The following NFAT5 variants were observed in gnomAD, a reference collection of about 807,000 sequenced individuals.
NFAT5 encodes the protein nuclear factor of activated T-cells 5.
NFAT5 carries 31 observed loss-of-function variants against 166.5 expected under a neutral mutation model. The ratio of observed to expected loss-of-function variants is 0.19; its 90% CI spans 0.14 to 0.25. The LOEUF is 0.25. Ranked by LOEUF, NFAT5 falls within the 10% of genes least tolerant of loss-of-function variation. The pLI is 1.00. For synonymous variants in NFAT5, 612 were observed against 639.7 expected (o/e 0.96, Z 0.65); for missense variants, 1,449 against 1,821.8 (o/e 0.80, Z 3.72).
At chr16:69,649,998 T>G (rs2151626767) in intron 4 of NFAT5, among the ~76,000 whole-genome samples, 1 of 152,086 alleles carries the variant, frequency 6.6e-6, no homozygotes, top group East Asian at 1.9e-4. Context: ...TGAATATTCC[T>G]AGCCATATCA....
chr16:69,696,809 T>G lies in NFAT5; in HGVS notation c.*458T>G, dbSNP rs190955218. Reference sequence around the variant, plus strand: ...GTTCAATAATAACTAAGGCTGTGATTTTTTTCAATATAAAAGGCACAGCTG... The same window carrying G: ...GTTCAATAATAACTAAGGCTGTGATGTTTTTCAATATAAAAGGCACAGCTG... On this transcript the variant is annotated 3_prime_UTR_variant, in exon 15 of 15. Coordinates refer to ENST00000349945, the MANE Select transcript of NFAT5 (RefSeq NM_138713.4). 1.3e-5 allele frequency: 2 copies of G among 152,764 alleles called. No individual in the cohort carries two copies. Among genetic ancestry groups the G allele is most frequent in the African/African-American group, 4.8e-5 (2 of 41,582 alleles). 9.5% of individuals were successfully genotyped at this position (152,764 alleles called of 1,614,324 possible).
chr16:69,635,080 A>G (rs7189878), intron 3 of NFAT5, among the ~76,000 whole-genome samples: 78,572 of 142,058 alleles, frequency 0.55, 22,669 homozygotes, highest in East Asian at 0.82. Context: ...GTGCGATCTC[A>G]GCTCACTGAA....
At chr16:69,578,000 AT>A (rs200077538) in intron 2 of NFAT5, among the ~76,000 whole-genome samples, 59 of 116,246 alleles carry the variant, frequency 5.1e-4, no homozygotes, top group Non-Finnish European at 8.5e-4. Context: ...CAAAAAAAAA[AT>A]TTTTTTTTTT....
intron 7 of NFAT5, among the ~76,000 whole-genome samples, chr16:69,668,645 G>A (rs1196144054): frequency 6.6e-6 from 1 of 151,898 alleles, no homozygotes; most frequent in Non-Finnish European, 1.5e-5. Context: ...TAACCTGTTG[G>A]GCATCACCAT....
chr16:69,569,674 T>C (rs1466021632), intron 2 of NFAT5, among the ~76,000 whole-genome samples: 2 of 152,242 alleles, frequency 1.3e-5, no homozygotes, highest in Admixed American at 1.3e-4. Flanking sequence ...TGAGCTAATG[T>C]GTATTAAATT....
intron 7 of NFAT5, among the ~76,000 whole-genome samples, chr16:69,660,370 C>T (rs2151646677): frequency 6.6e-6 from 1 of 152,252 alleles, no homozygotes; most frequent in African/African-American, 2.4e-5. Context: ...GTCAAGGCTG[C>T]AGTGAGCCTT....
intron 2 of NFAT5, among the ~76,000 whole-genome samples, chr16:69,591,381 AT>A (rs1188848618): frequency 6.6e-6 from 1 of 152,192 alleles, no homozygotes; most frequent in African/African-American, 2.4e-5. Flanking sequence ...CCATGGAAAA[AT>A]TATTTACTGT....
At chr16:69,602,694 T>C (rs1319259555) in intron 2 of NFAT5, among the ~76,000 whole-genome samples, 1 of 151,594 alleles carries the variant, frequency 6.6e-6, no homozygotes, top group Non-Finnish European at 1.5e-5. Flanking sequence ...AGCCTCAACC[T>C]TCTGGGCTCA....
At position 69,597,653 on chromosome 16, in the gene NFAT5, G is replaced by A. The variant is rs146814904; in HGVS notation, c.128-28750G>A. 4.4e-4 allele frequency among the ~76,000 whole-genome samples: 67 copies of A among 151,210 alleles called. 1 individual carries two copies. In the East Asian group the frequency reaches 0.012, roughly 27 times the overall value. Reference sequence around the variant, plus strand: ...GTCACCCAGGCTGGAGTGCAGTGGCGCGATCTCAGCTCACCGCAAGCTCTG... The same window carrying A: ...GTCACCCAGGCTGGAGTGCAGTGGCACGATCTCAGCTCACCGCAAGCTCTG... On this transcript the variant is annotated intron_variant, in intron 2 of 14. Transcript: ENST00000349945.
At chr16:69,598,417 T>C (rs912031965) in intron 2 of NFAT5, among the ~76,000 whole-genome samples, 2 of 149,330 alleles carry the variant, frequency 1.3e-5, no homozygotes, top group African/African-American at 2.5e-5. Context: ...TTTGGGAAAG[T>C]GGCCATTTAT....
chr16:69,652,383 CAG>C (rs1423057067), intron 4 of NFAT5, among the ~76,000 whole-genome samples: 1 of 147,484 alleles, frequency 6.8e-6, no homozygotes, highest in African/African-American at 2.5e-5. Context: ...ACCCAGGAAA[CAG>C]AGGTTACAGT....
In NFAT5 at chr16:69,586,467, A is replaced by G. The variant is rs545950534; in HGVS notation, c.127+17919A>G. 3.3e-5 allele frequency among the ~76,000 whole-genome samples: 5 copies of G among 152,162 alleles called. No homozygotes were observed. In the South Asian group the frequency reaches 6.2e-4, roughly 19 times the overall value. ...ACCCAGGCTGGAATGCAGTGGTGCA[A>G]TCTTGGCTCACTGTAACCTCCACCT... On this transcript the variant is annotated intron_variant, in intron 2 of 14. Coordinates refer to ENST00000349945, the MANE Select transcript of NFAT5 (RefSeq NM_138713.4).
At chr16:69,612,699 G>C (rs1012398938) in intron 2 of NFAT5, among the ~76,000 whole-genome samples, 4 of 149,968 alleles carry the variant, frequency 2.7e-5, no homozygotes, top group Non-Finnish European at 4.5e-5. Context: ...CATACACAGA[G>C]ACACACACAC....
At chr16:69,667,824 T>C (rs140700366) in intron 7 of NFAT5, among the ~76,000 whole-genome samples, 2 of 152,354 alleles carry the variant, frequency 1.3e-5, no homozygotes, top group Non-Finnish European at 1.5e-5. Context: ...CTCCAAAAAG[T>C]TACCTTTGAA....
At chr16:69,616,940 CTTTTTTTT>C (rs61025944) in intron 2 of NFAT5, among the ~76,000 whole-genome samples, 1 of 129,944 alleles carries the variant, frequency 7.7e-6, no homozygotes, top group Non-Finnish European at 1.7e-5. Flanking sequence ...GTCCAAAGTT[CTTTTTTTT>C]TTTTTTTTTT....
At chr16:69,605,272 T>G (rs2033344347) in intron 2 of NFAT5, among the ~76,000 whole-genome samples, 1 of 152,140 alleles carries the variant, frequency 6.6e-6, no homozygotes, top group African/African-American at 2.4e-5. Context: ...AAACCCCATC[T>G]CTACTAAAAA....
At chr16:69,570,035 G>A (rs2142894321) in intron 2 of NFAT5, among the ~76,000 whole-genome samples, 1 of 152,230 alleles carries the variant, frequency 6.6e-6, no homozygotes, top group South Asian at 2.1e-4. Flanking sequence ...GATGATCAGG[G>A]AGGAGAAAGA....
intron 2 of NFAT5, among the ~76,000 whole-genome samples, chr16:69,574,027 A>G (rs893642541): frequency 3.3e-5 from 5 of 151,924 alleles, no homozygotes; most frequent in African/African-American, 1.2e-4. Flanking sequence ...GCGCACCACC[A>G]CACCTGGCTA....
intron 2 of NFAT5, among the ~76,000 whole-genome samples, chr16:69,591,928 T>G (rs1374778520): frequency 1.3e-5 from 2 of 152,102 alleles, no homozygotes; most frequent in African/African-American, 2.4e-5. Flanking sequence ...AGACCCTGTC[T>G]TGATTTAAAA....
Sources: allele counts gnomAD v4.1 joint callset (sites outside exome capture counted in the v4.1 genomes callset), GRCh38; gene constraint gnomAD v4.1.1; transcripts MANE v1.5; gene names NCBI Gene and HGNC (gene_info 2026-07-23, HGNC 2026-07-21).